Variants in HYCC1 observed in about 807,000 individuals in gnomAD.
HYCC1 encodes hyccin.
At chr7:22,990,390 T>TA in the HYCC1 span, among the ~76,000 whole-genome samples, 1 of 152,190 alleles carries the variant, frequency 6.6e-6, no homozygotes, top group Non-Finnish European at 1.5e-5. Flanking sequence ...ACTTTGTCCT[T>TA]ATAGGTCTTG....
chr7:22,931,378 C>A, the HYCC1 span, among the ~76,000 whole-genome samples: 15 of 151,544 alleles, frequency 9.9e-5, no homozygotes, highest in African/African-American at 3.1e-4. Flanking sequence ...GAATAAATTT[C>A]TGTTGTTTTA....
the HYCC1 span, chr7:22,946,963 G>GT: frequency 8.4e-6 from 13 of 1,547,662 alleles, no homozygotes; most frequent in African/African-American, 9.6e-5. Flanking sequence ...TTGGAGTGCA[G>GT]TTATAAAGTG....
chr7:22,898,183 C>G, the HYCC1 span, among the ~76,000 whole-genome samples: 9 of 151,978 alleles, frequency 5.9e-5, no homozygotes, highest in African/African-American at 2.2e-4. Flanking sequence ...GTAGCTGGCA[C>G]ACACCACCAT....
the HYCC1 span, among the ~76,000 whole-genome samples, chr7:22,986,080 G>T: frequency 6.6e-6 from 1 of 151,494 alleles, no homozygotes; most frequent in South Asian, 2.1e-4. Context: ...TTAAAAACAT[G>T]AATTACAATG....
At chr7:22,973,228 T>C in the HYCC1 span, among the ~76,000 whole-genome samples, 1 of 152,218 alleles carries the variant, frequency 6.6e-6, no homozygotes, top group African/African-American at 2.4e-5. Flanking sequence ...CTAACTTACT[T>C]ATCACCACAG....
chr7:22,976,334 A>T, the HYCC1 span: 2 of 1,500,282 alleles, frequency 1.3e-6, no homozygotes, highest in East Asian at 4.5e-5. Flanking sequence ...AATATTAACA[A>T]ATCTTTAGAA....
the HYCC1 span, among the ~76,000 whole-genome samples, chr7:22,994,128 G>C: frequency 6.6e-6 from 1 of 152,262 alleles, no homozygotes; most frequent in East Asian, 1.9e-4. Context: ...CTACAGGAGT[G>C]TACCACATGC....
the HYCC1 span, among the ~76,000 whole-genome samples, chr7:23,013,760 G>A: frequency 6.6e-6 from 1 of 151,548 alleles, no homozygotes; most frequent in African/African-American, 2.4e-5. Flanking sequence ...ACCCACCCAT[G>A]GCGCCTCGCG....
chr7:22,922,244 G>A, the HYCC1 span, among the ~76,000 whole-genome samples: 1 of 152,078 alleles, frequency 6.6e-6, no homozygotes, highest in African/African-American at 2.4e-5. Context: ...AAGTGCAAAT[G>A]ATCAAAATAT....
chr7:22,913,348 A>G, the HYCC1 span, among the ~76,000 whole-genome samples: 5 of 152,210 alleles, frequency 3.3e-5, no homozygotes, highest in South Asian at 1.0e-3. Flanking sequence ...AGCTTAACAG[A>G]GAAACTAGGG....
the HYCC1 span, among the ~76,000 whole-genome samples, chr7:22,907,997 AT>A: frequency 6.6e-6 from 1 of 152,148 alleles, no homozygotes; most frequent in Non-Finnish European, 1.5e-5. Flanking sequence ...ATAATCTATT[AT>A]TAGGAATGAG....
the HYCC1 span, among the ~76,000 whole-genome samples, chr7:22,926,154 G>A: frequency 6.6e-6 from 1 of 151,998 alleles, no homozygotes; most frequent in African/African-American, 2.4e-5. Flanking sequence ...TCACCACCAG[G>A]CCTGCCCTAA....
the HYCC1 span, chr7:22,945,173 C>T: frequency 1.6e-5 from 4 of 251,496 alleles, no homozygotes; most frequent in Admixed American, 1.0e-4. Context: ...CATGCAGACT[C>T]CCTTTGACTC....
the HYCC1 span, among the ~76,000 whole-genome samples, chr7:22,909,252 G>A: frequency 6.6e-6 from 1 of 152,076 alleles, no homozygotes; most frequent in African/African-American, 2.4e-5. Context: ...GGAAGATTTG[G>A]TTGTTTAAAA....
chr7:22,918,393 C>T, the HYCC1 span, among the ~76,000 whole-genome samples: 30 of 152,104 alleles, frequency 2.0e-4, no homozygotes, highest in Non-Finnish European at 3.4e-4. Context: ...TCAGCTTAAT[C>T]TCTCCCATTC....
At chr7:22,997,142 C>G in the HYCC1 span, among the ~76,000 whole-genome samples, 2 of 152,004 alleles carry the variant, frequency 1.3e-5, no homozygotes, top group Admixed American at 1.3e-4. Flanking sequence ...ATGTCTTATT[C>G]TTCAATTCCC....
At chr7:22,961,285 C>G in the HYCC1 span, 1 of 1,607,140 alleles carries the variant, frequency 6.2e-7, no homozygotes, top group Non-Finnish European at 8.5e-7. Context: ...ATAATATCAT[C>G]CAGTGCTTTT....
the HYCC1 span, among the ~76,000 whole-genome samples, chr7:22,984,350 A>T: frequency 3.3e-5 from 5 of 152,158 alleles, no homozygotes; most frequent in African/African-American, 7.2e-5. Context: ...AAAACAAAAA[A>T]TATACTTTAT....
the HYCC1 span, among the ~76,000 whole-genome samples, chr7:22,955,746 C>G: frequency 2.6e-5 from 4 of 151,522 alleles, no homozygotes; most frequent in Non-Finnish European, 3.0e-5. Flanking sequence ...AGGAAATAAA[C>G]AAGTATAAAT....
Sources: gnomAD v4.1 joint callset for allele counts (sites outside exome capture counted in the v4.1 genomes callset) on GRCh38, gnomAD v4.1.1 for gene constraint, MANE v1.5 for transcripts, NCBI Gene and HGNC (gene_info 2026-07-23, HGNC 2026-07-21) for gene names.